Variants in ABCA12 observed in about 807,000 individuals in gnomAD.
ABCA12 encodes ATP binding cassette subfamily A member 12, also known as glucosylceramide transporter ABCA12.
ABCA12 carries 156 observed loss-of-function variants against 293.5 expected under a neutral mutation model. The observed-to-expected ratio is 0.53, with a 90% CI of 0.47 to 0.61. ABCA12 has a LOEUF of 0.61. Among genes scored for constraint, ABCA12 ranks in the 20% least tolerant of loss-of-function variants. The pLI is 0.00. For synonymous variants in ABCA12, 1,063 were observed against 1,108.0 expected (o/e 0.96, Z 0.81); for missense variants, 2,797 against 3,090.2 (o/e 0.91, Z 2.25).
Position 214,975,935 on chromosome 2 carries a change from C to T in ABCA12, c.5231G>A (p.Trp1744Ter), listed in dbSNP as rs1553523093. Residue 1744 changes from tryptophan to a stop codon, truncating the protein, a stop_gained, in exon 34 of 53, where the codon TGG becomes TAG. Coordinates refer to ENST00000272895, the MANE Select transcript of ABCA12 (RefSeq NM_173076.3). LOFTEE classifies it high-confidence loss of function. ...IKRFHHTRRN[W>*]KGLIAQVILP... Reference sequence around the variant, plus strand: ...GATAACCTGAGCAATGAGACCTTTCCAGTTCCTGCGGGTGTGGTGGAACCT... The same window carrying T: ...GATAACCTGAGCAATGAGACCTTTCTAGTTCCTGCGGGTGTGGTGGAACCT... The T allele has an allele frequency of 6.2e-7, 1 of 1,614,094 alleles. No individual in the cohort carries two copies. The highest frequency in any genetic ancestry group is 1.7e-5 in the Admixed American group (1 of 60,014).
chr2:214,966,831 T>G lies in ABCA12; in HGVS notation c.5884+17A>C, dbSNP rs1559119536. ...CAGAAGTTGCAATACAGGACACTTT[T>G]GTGTTAGTAACTTTACCATGTCGGG... On this transcript the variant is annotated intron_variant, in intron 39 of 52. Transcript: ENST00000272895. 6.2e-7 allele frequency: 1 copy of G among 1,611,300 alleles called. No homozygotes were observed. The highest frequency in any genetic ancestry group is 1.3e-5 in the African/African-American group (1 of 74,844).
Position 214,975,915 on chromosome 2 carries a change from C to A in ABCA12, c.5251G>T (p.Val1751Phe). The change falls in exon 34 of 53, where the codon GTT (valine) becomes TTT (phenylalanine). Residue 1751 changes from valine to phenylalanine, a missense_variant. Coordinates refer to ENST00000272895, the MANE Select transcript of ABCA12 (RefSeq NM_173076.3). ...GTAACAAAGACGATGGGGAGGATAACCTGAGCAATGAGACCTTTCCAGTTC... is the reference window on the plus strand; with the variant it reads ...GTAACAAAGACGATGGGGAGGATAAACTGAGCAATGAGACCTTTCCAGTTC... Reference protein sequence around the residue: ...RRNWKGLIAQVILPIVFVTTA... With the variant: ...RRNWKGLIAQFILPIVFVTTA... The A allele has an allele frequency of 1.2e-6, 2 of 1,614,074 alleles. No individual in the cohort carries two copies. The highest frequency in any genetic ancestry group is 1.7e-6 in the Non-Finnish European group (2 of 1,179,978).
At chr2:214,979,066 ACACTCTCCTCT>A (rs1445694572) in intron 31 of ABCA12, 26 bp from the exon 32 acceptor site, 1 of 1,594,492 alleles carries the variant, frequency 6.3e-7, no homozygotes, top group African/African-American at 1.3e-5. Context: ...AGGAATTAAA[ACACTCTCCTCT>A]CTTTACACTA....
rs145969422 is a variant in ABCA12 at position 214,953,955 on chromosome 2, C to G, written c.6546G>C (p.Glu2182Asp). 6.5e-5 allele frequency: 105 copies of G among 1,614,068 alleles called. 2 individuals are homozygous for G. The highest frequency in any genetic ancestry group is 5.9e-4 in the South Asian group (54 of 91,078). The change falls in exon 44 of 53, where the codon GAG becomes GAC. Residue 2182 changes from glutamate to aspartate, a missense_variant. Physicochemically the swap from Glu to Asp is conservative, Grantham distance 45. Coordinates refer to ENST00000272895, the MANE Select transcript of ABCA12 (RefSeq NM_173076.3). Reference protein sequence around the residue: ...YGVEYPNETFEMNKLGAMFVA... With the variant: ...YGVEYPNETFDMNKLGAMFVA... ...CAAACATTGCACCTAGTTTATTCAT[C>G]TCAAAGGTTTCATTTGGGTATTCCA...
intron 1 of ABCA12, among the ~76,000 whole-genome samples, chr2:215,133,867 T>A (rs1703116906): frequency 6.6e-6 from 1 of 152,074 alleles, no homozygotes; most frequent in Admixed American, 6.6e-5. Flanking sequence ...GAGAAAAAAC[T>A]CAACTCAGCA....
At chr2:215,116,217 C>G (rs999447070) in intron 1 of ABCA12, among the ~76,000 whole-genome samples, 9 of 152,060 alleles carry the variant, frequency 5.9e-5, no homozygotes, top group Non-Finnish European at 1.2e-4. Context: ...TTGTTTCTGC[C>G]TCATTGTGTA....
intron 7 of ABCA12, chr2:215,044,358 G>C (rs1314336576): frequency 1.3e-5 from 2 of 152,136 alleles, no homozygotes; most frequent in Non-Finnish European, 2.9e-5. Flanking sequence ...ATTCCAGTGA[G>C]TGTGTAGTGA....
chr2:215,094,536 G>A (rs1057250068), intron 2 of ABCA12, among the ~76,000 whole-genome samples: 9 of 151,954 alleles, frequency 5.9e-5, no homozygotes, highest in East Asian at 1.9e-4. Context: ...CCATTCTATC[G>A]TCGTTTCACA....
At chr2:215,089,472 AC>A (rs1189765898) in intron 2 of ABCA12, among the ~76,000 whole-genome samples, 2 of 152,190 alleles carry the variant, frequency 1.3e-5, no homozygotes, top group Non-Finnish European at 2.9e-5. Context: ...GCTCTCAGAA[AC>A]CATTTTCTCA....
At chr2:214,969,228 T>A (rs915188378) in intron 37 of ABCA12, among the ~76,000 whole-genome samples, 1 of 152,072 alleles carries the variant, frequency 6.6e-6, no homozygotes, top group African/African-American at 2.4e-5. Flanking sequence ...ATATAACAAA[T>A]TTTCCCCTAT....
intron 1 of ABCA12, among the ~76,000 whole-genome samples, chr2:215,124,660 T>C (rs183642115): frequency 2.4e-4 from 37 of 152,344 alleles, no homozygotes; most frequent in African/African-American, 7.9e-4. Flanking sequence ...TGTTTGTTTT[T>C]TTCTTGCTGA....
In ABCA12 at chr2:215,081,407, G is replaced by A. The variant is rs556948192; in HGVS notation, c.164-17188C>T. ...GCAGGAGAATTGCTTGAATTCTGGG[G>A]AGGCAGAGGTACAGTGAGCTGAGAT... On this transcript the variant is annotated intron_variant, in intron 2 of 52. Coordinates refer to ENST00000272895, the MANE Select transcript of ABCA12 (RefSeq NM_173076.3). 3.3e-5 allele frequency among the ~76,000 whole-genome samples: 5 copies of A among 150,192 alleles called. No homozygotes were observed. The East Asian group carries it at 7.9e-4, about 24-fold the overall frequency.
At chr2:215,008,704 T>C (rs1700306652) in intron 18 of ABCA12, among the ~76,000 whole-genome samples, 1 of 151,988 alleles carries the variant, frequency 6.6e-6, no homozygotes. Context: ...GATGCATATA[T>C]GAATGCTAAC....
At chr2:215,031,682 G>A (rs1321112285) in intron 9 of ABCA12, 139 bp downstream of exon 9, 6 of 967,590 alleles carry the variant, frequency 6.2e-6, no homozygotes, top group Non-Finnish European at 9.7e-6. Flanking sequence ...CTTGGACTAT[G>A]CCCTTTCCTC....
chr2:215,050,697 G>A, intron 5 of ABCA12: 1 of 749,908 alleles, frequency 1.3e-6, no homozygotes, highest in South Asian at 6.1e-5. Context: ...AAAAGTAATG[G>A]AACAAGACAG....
intron 49 of ABCA12, 49 bp downstream of exon 49, chr2:214,944,952 G>A (rs766967449): frequency 1.3e-6 from 2 of 1,494,856 alleles, no homozygotes; most frequent in Non-Finnish European, 1.9e-6. Flanking sequence ...TTTCCCACCT[G>A]TCATCCTAAG....
intron 18 of ABCA12, among the ~76,000 whole-genome samples, 196 bp downstream of exon 18, chr2:215,010,135 C>T (rs961424993): frequency 4.6e-5 from 7 of 152,078 alleles, no homozygotes; most frequent in African/African-American, 1.7e-4. Flanking sequence ...CTTCAAAGGG[C>T]TCCCACCCAA....
chr2:214,945,151 G>T, intron 48 of ABCA12, 47 bp from the exon 49 acceptor site: 1 of 1,475,440 alleles, frequency 6.8e-7, no homozygotes, highest in Non-Finnish European at 9.4e-7. Context: ...ATTAATTTTT[G>T]ATGAAGTTCT....
chr2:214,961,969 GA>G (rs1306529442), intron 39 of ABCA12: 122 of 152,296 alleles, frequency 8.0e-4, no homozygotes, highest in African/African-American at 2.8e-3. Flanking sequence ...GAAGATGAAA[GA>G]AATGTAGATG....
Sources: gnomAD v4.1 joint callset for allele counts (sites outside exome capture counted in the v4.1 genomes callset) on GRCh38, gnomAD v4.1.1 for gene constraint, MANE v1.5 for transcripts, NCBI Gene and HGNC (gene_info 2026-07-23, HGNC 2026-07-21) for gene names.